Variants in TRAPPC9 observed in about 807,000 individuals in gnomAD.
TRAPPC9 encodes trafficking protein particle complex subunit 9, also known as IKK2 binding protein.
A neutral mutation model predicts 124.0 loss-of-function variants in TRAPPC9; 83 were observed. That is an observed-to-expected ratio of 0.67 (90% CI 0.56 to 0.80). The LOEUF (loss-of-function observed/expected upper bound fraction) is 0.80. Ranked by LOEUF, TRAPPC9 falls within the 30% of genes least tolerant of loss-of-function variation. The pLI is 0.00. For synonymous variants in TRAPPC9, 638 were observed against 617.5 expected (o/e 1.03, Z -0.49); for missense variants, 1,302 against 1,508.3 (o/e 0.86, Z 2.27).
chr8:140,266,654 A>C (rs1295635295), intron 15 of TRAPPC9, among the ~76,000 whole-genome samples: 1 of 152,054 alleles, frequency 6.6e-6, no homozygotes, highest in Non-Finnish European at 1.5e-5. Flanking sequence ...GTCAGGAGAC[A>C]GAGACTATCC....
At chr8:140,006,807 G>C (rs1360775016) in intron 18 of TRAPPC9, among the ~76,000 whole-genome samples, 1 of 152,164 alleles carries the variant, frequency 6.6e-6, no homozygotes, top group Non-Finnish European at 1.5e-5. Flanking sequence ...GTAGATTAGT[G>C]GTTGCCTAGG....
At chr8:140,360,968 C>T (rs2067936888) in intron 8 of TRAPPC9, among the ~76,000 whole-genome samples, 2 of 152,154 alleles carry the variant, frequency 1.3e-5, no homozygotes, top group Non-Finnish European at 1.5e-5. Context: ...AACTCCTGAC[C>T]TAGAACCATC....
At chr8:139,952,723 G>A (rs1444141880) in intron 19 of TRAPPC9, among the ~76,000 whole-genome samples, 1 of 152,266 alleles carries the variant, frequency 6.6e-6, no homozygotes, top group Non-Finnish European at 1.5e-5. Context: ...GAAAGCAGCT[G>A]TGGCAGTCGA....
At chr8:140,113,099 G>A (rs989215374) in intron 17 of TRAPPC9, among the ~76,000 whole-genome samples, 1 of 152,218 alleles carries the variant, frequency 6.6e-6, no homozygotes, top group African/African-American at 2.4e-5. Flanking sequence ...AATTTCAGGG[G>A]TTGGAAATAT....
chr8:140,423,707 C>T (rs1390721326), intron 5 of TRAPPC9, among the ~76,000 whole-genome samples: 2 of 151,078 alleles, frequency 1.3e-5, no homozygotes, highest in Non-Finnish European at 3.0e-5. Context: ...CATGTATACA[C>T]ATATATACAT....
chr8:139,832,918 T>C (rs28409472), intron 21 of TRAPPC9, among the ~76,000 whole-genome samples: 61,623 of 152,012 alleles, frequency 0.41, 17,029 homozygotes, highest in African/African-American at 0.78. Flanking sequence ...GTGGGCCTAA[T>C]CTAACAGGCT....
intron 20 of TRAPPC9, among the ~76,000 whole-genome samples, chr8:139,893,656 T>A (rs1587122315): frequency 6.6e-6 from 1 of 152,192 alleles, no homozygotes; most frequent in African/African-American, 2.4e-5. Context: ...ACGGTATTCA[T>A]CAAAAGCTGC....
At chr8:140,401,252 G>C (rs1366464169) in intron 6 of TRAPPC9, among the ~76,000 whole-genome samples, 1 of 152,148 alleles carries the variant, frequency 6.6e-6, no homozygotes, top group Non-Finnish European at 1.5e-5. Flanking sequence ...GTACAAGGTG[G>C]GACAAGCAGT....
chr8:140,235,767 T>C (rs1246872400), intron 16 of TRAPPC9, among the ~76,000 whole-genome samples: 1 of 152,204 alleles, frequency 6.6e-6, no homozygotes, highest in East Asian at 1.9e-4. Flanking sequence ...AACCTGAGCT[T>C]ATGTCTACCA....
chr8:140,206,957 T>C (rs570831436), intron 17 of TRAPPC9, among the ~76,000 whole-genome samples: 6 of 152,132 alleles, frequency 3.9e-5, no homozygotes, highest in East Asian at 1.9e-4. Context: ...TGGGGAAAGA[T>C]GAAAGGAAAG....
intron 19 of TRAPPC9, among the ~76,000 whole-genome samples, chr8:139,965,157 G>A (rs1835619565): frequency 6.6e-6 from 1 of 152,214 alleles, no homozygotes; most frequent in African/African-American, 2.4e-5. Flanking sequence ...TAACCACAAG[G>A]CAAGGATGAC....
At chr8:140,041,813 A>G (rs1841293321) in intron 17 of TRAPPC9, among the ~76,000 whole-genome samples, 1 of 152,276 alleles carries the variant, frequency 6.6e-6, no homozygotes, top group African/African-American at 2.4e-5. Context: ...CTCTACTAAA[A>G]ATACAAAAAT....
In TRAPPC9 at chr8:140,449,305, A is replaced by G. The variant is rs372759746; in HGVS notation, c.584+1485T>C. On this transcript the variant is annotated intron_variant, in intron 2 of 22. Coordinates refer to ENST00000438773, the MANE Select transcript of TRAPPC9 (RefSeq NM_001160372.4). ...TGTGGCTCATCAGCCAATCCTATAC[A>G]GGAGGAGGGAGAGCCCTGTCCAAGC... Among the ~76,000 whole-genome samples, 4 of 152,312 alleles carry G rather than the reference A, an allele frequency of 2.6e-5. No homozygotes were observed. In the South Asian group the frequency reaches 8.3e-4, roughly 32 times the overall value.
At chr8:140,307,495 G>A (rs920999046) in intron 10 of TRAPPC9, among the ~76,000 whole-genome samples, 11 of 152,194 alleles carry the variant, frequency 7.2e-5, no homozygotes, top group Non-Finnish European at 1.6e-4. Context: ...AGACAAAGAA[G>A]AGAGAAGGAC....
At chr8:140,386,179 G>A (rs2068750834) in intron 7 of TRAPPC9, among the ~76,000 whole-genome samples, 3 of 152,172 alleles carry the variant, frequency 2.0e-5, no homozygotes, top group East Asian at 1.9e-4. Context: ...AAAATAATAA[G>A]AGCTATTTAT....
intron 17 of TRAPPC9, among the ~76,000 whole-genome samples, chr8:140,114,335 A>AG (rs201511264): frequency 0.011 from 1,559 of 142,514 alleles, 17 homozygotes; most frequent in Non-Finnish European, 0.017. Context: ...GACTGAAGAA[A>AG]AAAAAAAAAA....
At chr8:140,003,390 C>T (rs925626865) in intron 18 of TRAPPC9, among the ~76,000 whole-genome samples, 1 of 152,050 alleles carries the variant, frequency 6.6e-6, no homozygotes, top group Non-Finnish European at 1.5e-5. Context: ...GCCTGGCCAA[C>T]ATGGTGAACA....
chr8:139,906,573 G>C (rs551380315), intron 20 of TRAPPC9, among the ~76,000 whole-genome samples: 12 of 152,216 alleles, frequency 7.9e-5, no homozygotes, highest in African/African-American at 2.6e-4. Flanking sequence ...GGGAGAGAAG[G>C]GGGAAGAGAG....
At chr8:139,870,739 C>T (rs1828848574) in intron 21 of TRAPPC9, among the ~76,000 whole-genome samples, 1 of 152,224 alleles carries the variant, frequency 6.6e-6, no homozygotes, top group African/African-American at 2.4e-5. Context: ...AGAAATGGGA[C>T]AACAGCAGCC....
Sources: allele counts gnomAD v4.1 joint callset (sites outside exome capture counted in the v4.1 genomes callset), GRCh38; gene constraint gnomAD v4.1.1; transcripts MANE v1.5; gene names NCBI Gene and HGNC (gene_info 2026-07-23, HGNC 2026-07-21).